Variants in HIVEP1 observed in about 807,000 individuals in gnomAD.
The protein encoded by HIVEP1 is zinc finger protein 40.
A neutral mutation model predicts 180.0 loss-of-function variants in HIVEP1; 36 were observed. The observed-to-expected ratio is 0.20, with a 90% confidence interval of 0.15 to 0.26. The LOEUF (loss-of-function observed/expected upper bound fraction) is 0.26, where lower values mean the gene tolerates loss of function less well. HIVEP1 is among the 10% of genes least tolerant of loss of function. The probability of loss-of-function intolerance (pLI) is 1.00; values close to 1 mark genes in which losing one functional copy is unlikely to be tolerated. For missense variants in HIVEP1, 3,143 were observed against 3,268.7 expected (o/e 0.96, Z 0.94); for synonymous variants, 1,239 against 1,239.0 (o/e 1.00, Z 0.00).
rs1757839573 is a variant in HIVEP1, at chr6:12,123,534, C to G, written c.3739C>G (p.Leu1247Val). The G allele has an allele frequency of 6.2e-7, 1 of 1,614,148 alleles. No homozygotes were observed. Among genetic ancestry groups the G allele is most frequent in the Non-Finnish European group, 8.5e-7 (1 of 1,180,032 alleles). ...GGTCACAGAAGAACCAGATCGAGAC[C>G]TGGAAGCTCAATGCCATGATCAAGA... ...ILVTEEPDRD[L>V]EAQCHDQEKS... The change falls in exon 4 of 9, where the codon CTG becomes GTG. Residue 1247 changes from leucine (L) to valine (V), a missense_variant. By Grantham distance (32) the Leu-to-Val change is conservative. Transcript: ENST00000379388.
upstream of HIVEP1, among the ~76,000 whole-genome samples, chr6:12,011,024 C>A (rs75906632): frequency 6.1e-3 from 928 of 152,256 alleles, 14 homozygotes; most frequent in African/African-American, 0.022. Flanking sequence ...AGCTTCGGCA[C>A]TGGGAAGCAC....
At chr6:12,107,646 G>A (rs544647745) in intron 3 of HIVEP1, among the ~76,000 whole-genome samples, 35 of 152,354 alleles carry the variant, frequency 2.3e-4, no homozygotes, top group Non-Finnish European at 4.1e-4. Context: ...CAGGAGTGAA[G>A]CTGCAGACCT....
At chr6:12,160,257 A>C (rs929905267) in intron 7 of HIVEP1, among the ~76,000 whole-genome samples, 5 of 152,226 alleles carry the variant, frequency 3.3e-5, no homozygotes, top group African/African-American at 7.2e-5. Flanking sequence ...TATTTCCTGG[A>C]TCATCTTGAA....
At chr6:12,088,916 G>A (rs1010403471) in intron 2 of HIVEP1, among the ~76,000 whole-genome samples, 2 of 152,050 alleles carry the variant, frequency 1.3e-5, no homozygotes, top group Non-Finnish European at 2.9e-5. Context: ...GACTTTTAAA[G>A]CTGTAGTTCA....
In HIVEP1 at chr6:12,146,620, A is replaced by G. The variant is rs906823569; in HGVS notation, c.6487+10728A>G. Among the ~76,000 whole-genome samples the G allele has an allele frequency of 7.9e-5, 12 of 152,066 alleles. 1 individual carries two copies. Among genetic ancestry groups the G allele is most frequent in the Admixed American group, 6.5e-5 (1 of 15,272 alleles). On this transcript the variant is annotated intron_variant, in intron 7 of 8. Coordinates refer to ENST00000379388, the MANE Select transcript of HIVEP1 (RefSeq NM_002114.4). ...AATGGCATTTGTTTATTAATTTGTTATTTATTGGTTATTGGAGCAGATTAC... is the reference window on the plus strand; with the variant it reads ...AATGGCATTTGTTTATTAATTTGTTGTTTATTGGTTATTGGAGCAGATTAC...
intron 3 of HIVEP1, among the ~76,000 whole-genome samples, chr6:12,116,224 G>C (rs1723991714): frequency 6.6e-6 from 1 of 151,982 alleles, no homozygotes; most frequent in East Asian, 1.9e-4. Flanking sequence ...ATCAAGATGA[G>C]GGTAAGTTTA....
chr6:12,178,372 T>G, the HIVEP1 span, among the ~76,000 whole-genome samples: 1 of 152,190 alleles, frequency 6.6e-6, no homozygotes, highest in African/African-American at 2.4e-5. Context: ...GAGGATTACA[T>G]GGGGCCAGGA....
intron 3 of HIVEP1, among the ~76,000 whole-genome samples, chr6:12,093,884 A>G (rs1455794655): frequency 6.6e-6 from 1 of 152,026 alleles, no homozygotes; most frequent in Non-Finnish European, 1.5e-5. Flanking sequence ...CACTATTTCT[A>G]GTCCTTTGCT....
chr6:12,194,949 A>G, the HIVEP1 span, among the ~76,000 whole-genome samples: 2 of 152,316 alleles, frequency 1.3e-5, no homozygotes, highest in Non-Finnish European at 2.9e-5. Flanking sequence ...GGAAGCTGGG[A>G]AAATATTAAT....
intron 3 of HIVEP1, among the ~76,000 whole-genome samples, chr6:12,095,917 CT>C (rs1773758190): frequency 6.6e-6 from 1 of 151,698 alleles, no homozygotes; most frequent in African/African-American, 2.4e-5. Flanking sequence ...TCTAACTTAC[CT>C]TTTTGAATGA....
the HIVEP1 span, among the ~76,000 whole-genome samples, chr6:12,198,478 A>G: frequency 6.6e-6 from 1 of 152,172 alleles, no homozygotes; most frequent in Admixed American, 6.5e-5. Context: ...TTATTCATTC[A>G]TTCATTCAAT....
At chr6:12,203,298 C>T in the HIVEP1 span, among the ~76,000 whole-genome samples, 15 of 152,310 alleles carry the variant, frequency 9.8e-5, no homozygotes, top group East Asian at 2.9e-3. Context: ...TAAGGACATT[C>T]CACAGGAGAA....
the HIVEP1 span, among the ~76,000 whole-genome samples, chr6:12,182,772 G>A: frequency 1.3e-5 from 2 of 152,174 alleles, no homozygotes; most frequent in African/African-American, 4.8e-5. Flanking sequence ...ATCCAGTGAG[G>A]AAATGTGTAT....
chr6:12,031,245 C>G (rs1035697686), intron 2 of HIVEP1, among the ~76,000 whole-genome samples: 1 of 152,154 alleles, frequency 6.6e-6, no homozygotes, highest in African/African-American at 2.4e-5. Flanking sequence ...CAGCTGGACC[C>G]TCTTATGTCT....
the HIVEP1 span, among the ~76,000 whole-genome samples, chr6:12,170,183 A>G: frequency 2.0e-5 from 3 of 152,138 alleles, no homozygotes; most frequent in African/African-American, 7.2e-5. Context: ...CCTGTCCTTC[A>G]GGAGCTTCAG....
In HIVEP1 at chr6:12,120,500, A is replaced by T. The variant is rs1295924388; in HGVS notation, c.705A>T (p.Lys235Asn). 1 of 1,614,222 alleles carries T rather than the reference A, an allele frequency of 6.2e-7. No homozygotes were observed. ...RPNKTARSPP[K>N]LKNSSMDAPN... ...ATAAAACTGCACGTTCCCCTCCCAA[A>T]TTAAAAAACAGTTCAATGGATGCCC... is the stretch of plus-strand genomic sequence containing the variant. Residue 235 changes from lysine (K) to asparagine (N), a missense_variant, in exon 4 of 9, where the codon AAA becomes AAT. This residue lies in a region of HIVEP1 where 306 missense variants were observed against 310.6 expected (regional missense o/e 0.99). Coordinates refer to ENST00000379388, the MANE Select transcript of HIVEP1 (RefSeq NM_002114.4).
At chr6:12,089,523 A>C (rs1468922630) in intron 3 of HIVEP1, among the ~76,000 whole-genome samples, 1 of 152,090 alleles carries the variant, frequency 6.6e-6, no homozygotes, top group African/African-American at 2.4e-5. Context: ...GTCCTGTAGC[A>C]ATAAAAGTAC....
chr6:12,086,506 G>T (rs919126290), intron 2 of HIVEP1, among the ~76,000 whole-genome samples: 1 of 152,066 alleles, frequency 6.6e-6, no homozygotes, highest in African/African-American at 2.4e-5. Flanking sequence ...CATGATGGGG[G>T]ATGTCTTAGA....
At chr6:12,196,811 C>A in the HIVEP1 span, among the ~76,000 whole-genome samples, 2 of 152,224 alleles carry the variant, frequency 1.3e-5, no homozygotes, top group East Asian at 3.8e-4. Flanking sequence ...CGGCATGTCA[C>A]ATTCCATTTA....
Sources: gnomAD v4.1 joint callset for allele counts (sites outside exome capture counted in the v4.1 genomes callset) on GRCh38, gnomAD v4.1.1 for gene constraint, gnomAD v4.1.1 regional missense constraint, MANE v1.5 for transcripts, NCBI Gene and HGNC (gene_info 2026-07-23, HGNC 2026-07-21) for gene names.